The following TM2D1 variants were observed in gnomAD, a reference collection of about 807,000 sequenced individuals.
The protein encoded by TM2D1 is TM2 domain containing 1.
Under a neutral mutation model 28.4 loss-of-function variants are expected in TM2D1, and 15 were observed. The ratio of observed to expected loss-of-function variants is 0.53; its 90% CI spans 0.35 to 0.81. TM2D1 has a LOEUF of 0.81. Among genes scored for constraint, TM2D1 ranks in the 40% least tolerant of loss-of-function variants. The probability of loss-of-function intolerance (pLI) is 0.01; values close to 1 mark genes in which losing one functional copy is unlikely to be tolerated. For missense variants in TM2D1, 236 were observed against 254.9 expected (o/e 0.93, Z 0.50); for synonymous variants, 93 against 96.2 (o/e 0.97, Z 0.20).
chr1:61,724,947 C>A lies in TM2D1; in HGVS notation c.164+10G>T. 1 of 1,588,174 alleles carries A rather than the reference C, an allele frequency of 6.3e-7. No homozygotes were observed. The highest frequency in any genetic ancestry group is 8.6e-7 in the Non-Finnish European group (1 of 1,162,854). On this transcript the variant is annotated intron_variant, in intron 1 of 6. Transcript: ENST00000606498. Reference sequence around the variant, plus strand: ...CGCCTCCATGGGGGGGTGTTCTCCACAGAGGATATTGTCCCACTTTGAGGT... The same window carrying A: ...CGCCTCCATGGGGGGGTGTTCTCCAAAGAGGATATTGTCCCACTTTGAGGT...
chr1:61,700,997 C>T lies in TM2D1; in HGVS notation c.376G>A (p.Ala126Thr), dbSNP rs778917284. 11 of 1,607,812 alleles carry T rather than the reference C, an allele frequency of 6.8e-6. No homozygotes were observed. The highest frequency in any genetic ancestry group is 9.3e-6 in the Non-Finnish European group (11 of 1,176,922). The change falls in exon 4 of 7, where the codon GCA becomes ACA. Residue 126 changes from alanine to threonine, a missense_variant. By Grantham distance (58) the Ala-to-Thr change is moderately conservative (BLOSUM62 0). Coordinates refer to ENST00000606498, the MANE Select transcript of TM2D1 (RefSeq NM_032027.3). ...AACCATCCAAGAAAAAGAGACAATG[C>T]GACTGCCACTTTGTAGGAATAGCCA... ...VNGYSYKVAV[A>T]LSLFLGWLGA...
At chr1:61,686,356 C>A (rs147973779) in intron 5 of TM2D1, among the ~76,000 whole-genome samples, 3 of 152,024 alleles carry the variant, frequency 2.0e-5, no homozygotes, top group Non-Finnish European at 4.4e-5. Context: ...TTTAGATCCA[C>A]ATTCCTTTGC....
chr1:61,686,853 T>G (rs1644289132), intron 5 of TM2D1: 1 of 954,530 alleles, frequency 1.0e-6, no homozygotes, highest in Non-Finnish European at 1.2e-6. Flanking sequence ...AACCCAGGAA[T>G]TCGAGGCTGC....
intron 2 of TM2D1, among the ~76,000 whole-genome samples, chr1:61,712,277 T>A (rs1199526563): frequency 1.3e-5 from 2 of 152,154 alleles, no homozygotes; most frequent in African/African-American, 2.4e-5. Context: ...AGATTAGTCA[T>A]CTTCAAAAAA....
At chr1:61,697,548 CA>C (rs1644372183) in intron 4 of TM2D1, 1 of 94,942 alleles carries the variant, frequency 1.1e-5, no homozygotes, top group Admixed American at 1.3e-4. Context: ...AAATGACATA[CA>C]TTAAAATGAC....
intron 2 of TM2D1, among the ~76,000 whole-genome samples, chr1:61,717,378 A>G (rs1270816544): frequency 6.6e-6 from 1 of 152,154 alleles, no homozygotes; most frequent in African/African-American, 2.4e-5. Context: ...AAAAAAAAAA[A>G]AAGAAGCCAG....
intron 5 of TM2D1, among the ~76,000 whole-genome samples, chr1:61,693,338 CAAT>C (rs1269394107): frequency 6.6e-6 from 1 of 152,104 alleles, no homozygotes; most frequent in African/African-American, 2.4e-5. Flanking sequence ...AGCTACAATT[CAAT>C]AATATCACCA....
At position 61,720,034 on chromosome 1, in the gene TM2D1, T is replaced by C. The variant is rs887628376; in HGVS notation, c.238+3679A>G. 2.6e-5 allele frequency among the ~76,000 whole-genome samples: 4 copies of C among 152,336 alleles called. No individual in the cohort carries two copies. In the South Asian group the frequency reaches 8.3e-4, roughly 32 times the overall value. ...TGGAAGCATTCACAGGTGTGTCGTT[T>C]GTGAAAATCATCTGAATTATACTTA... On this transcript the variant is annotated intron_variant, in intron 2 of 6. Coordinates refer to ENST00000606498, the MANE Select transcript of TM2D1 (RefSeq NM_032027.3).
At chr1:61,686,663 T>C in intron 5 of TM2D1, 1 of 413,786 alleles carries the variant, frequency 2.4e-6, no homozygotes, top group Non-Finnish European at 3.2e-6. Context: ...AGGCTCTATC[T>C]CAAAGAAAAA....
At chr1:61,719,783 C>T (rs960989642) in intron 2 of TM2D1, among the ~76,000 whole-genome samples, 2 of 152,238 alleles carry the variant, frequency 1.3e-5, no homozygotes, top group East Asian at 1.9e-4. Context: ...GCATGAGCCA[C>T]CACGCTCAGC....
intron 2 of TM2D1, among the ~76,000 whole-genome samples, chr1:61,716,529 A>AT (rs1421858351): frequency 7.0e-6 from 1 of 142,126 alleles, no homozygotes; most frequent in African/African-American, 2.7e-5. Context: ...ATATAATTAT[A>AT]TATGTGTATA....
intron 2 of TM2D1, among the ~76,000 whole-genome samples, chr1:61,712,038 T>C (rs1228700998): frequency 6.6e-6 from 1 of 151,946 alleles, no homozygotes; most frequent in Non-Finnish European, 1.5e-5. Context: ...TAACTAGCCC[T>C]AACTCAGTAA....
chr1:61,685,677 T>C lies in TM2D1; in HGVS notation c.514-2131A>G, dbSNP rs906970625. ...ACCATGTCAGGTGCTGTTATGCACA[T>C]TGACTTACTTGTCAAAGATTAAATT... On this transcript the variant is annotated intron_variant, in intron 5 of 6. Coordinates refer to ENST00000606498, the MANE Select transcript of TM2D1 (RefSeq NM_032027.3). Among the ~76,000 whole-genome samples the C allele has an allele frequency of 4.6e-5, 7 of 152,246 alleles. No individual in the cohort carries two copies. In the South Asian group the frequency reaches 1.2e-3, roughly 27 times the overall value.
intron 3 of TM2D1, among the ~76,000 whole-genome samples, chr1:61,707,108 A>G (rs1044092512): frequency 8.5e-5 from 13 of 152,070 alleles, no homozygotes; most frequent in Admixed American, 1.3e-4. Flanking sequence ...TACAAAAATT[A>G]GCCGAGCTTT....
intron 6 of TM2D1, among the ~76,000 whole-genome samples, chr1:61,682,807 C>T (rs1234538925): frequency 6.6e-6 from 1 of 150,850 alleles, no homozygotes; most frequent in Non-Finnish European, 1.5e-5. Flanking sequence ...GCACGAGAAT[C>T]GCTTGAACCT....
At chr1:61,701,076 A>G in intron 3 of TM2D1, 51 bp from the exon 4 acceptor site, 1 of 1,398,238 alleles carries the variant, frequency 7.2e-7, no homozygotes, top group South Asian at 1.2e-5. Context: ...AACATTTTAG[A>G]AAAAAAAATT....
At chr1:61,686,489 T>A (rs1218729977) in intron 5 of TM2D1, among the ~76,000 whole-genome samples, 2 of 149,712 alleles carry the variant, frequency 1.3e-5, no homozygotes, top group African/African-American at 4.9e-5. Flanking sequence ...AAACCCAGTA[T>A]CTACAAAAAA....
chr1:61,701,745 A>G (rs1254399707), intron 3 of TM2D1, among the ~76,000 whole-genome samples: 1 of 152,140 alleles, frequency 6.6e-6, no homozygotes, highest in Non-Finnish European at 1.5e-5. Context: ...CCAAACTAGA[A>G]GCAGAAAAAT....
At chr1:61,703,031 G>A (rs929906496) in intron 3 of TM2D1, among the ~76,000 whole-genome samples, 7 of 151,416 alleles carry the variant, frequency 4.6e-5, no homozygotes, top group Non-Finnish European at 8.8e-5. Context: ...GCTTGAACCT[G>A]GGAAGCGGAG....
Sources: allele counts gnomAD v4.1 joint callset (sites outside exome capture counted in the v4.1 genomes callset), GRCh38; gene constraint gnomAD v4.1.1; transcripts MANE v1.5; gene names NCBI Gene and HGNC (gene_info 2026-07-23, HGNC 2026-07-21).